The following NRIP1 variants were observed in gnomAD, a reference collection of about 807,000 sequenced individuals.
NRIP1 encodes the protein nuclear receptor interacting protein 1.
NRIP1 carries 28 observed loss-of-function variants against 75.0 expected under a neutral mutation model. The ratio of observed to expected loss-of-function variants is 0.37; its 90% CI spans 0.28 to 0.51. The LOEUF (loss-of-function observed/expected upper bound fraction) is 0.51, where lower values mean the gene tolerates loss of function less well. Ranked by LOEUF, NRIP1 falls within the 20% of genes least tolerant of loss-of-function variation. The pLI is 0.92. For missense variants in NRIP1, 1,435 were observed against 1,343.7 expected (o/e 1.07, Z -1.06); for synonymous variants, 526 against 487.6 (o/e 1.08, Z -1.04).
At position 15,034,329 on chromosome 21, in the gene NRIP1, T is replaced by C. The variant is rs1262243825; in HGVS notation, c.-458+9166A>G. On this transcript the variant is annotated intron_variant, in intron 2 of 3. Coordinates refer to ENST00000318948, the MANE Select transcript of NRIP1 (RefSeq NM_003489.4). ...TAAGGGGCATGCATTTTGAAGTAGT[T>C]CCATATGTGGTGAGTCACTTCCAAA... 4.6e-5 allele frequency among the ~76,000 whole-genome samples: 7 copies of C among 152,312 alleles called. No individual in the cohort carries two copies. In the East Asian group the frequency reaches 1.4e-3, roughly 29 times the overall value.
intron 3 of NRIP1, among the ~76,000 whole-genome samples, chr21:15,011,436 G>A (rs572321411): frequency 2.6e-5 from 4 of 152,208 alleles, no homozygotes; most frequent in South Asian, 2.1e-4. Flanking sequence ...TGATCCGCCC[G>A]CCTCGGCCTC....
intron 2 of NRIP1, among the ~76,000 whole-genome samples, chr21:15,025,828 A>G (rs1229936156): frequency 6.6e-6 from 1 of 152,236 alleles, no homozygotes; most frequent in Non-Finnish European, 1.5e-5. Flanking sequence ...ACGGGCCGAC[A>G]TGGTCTTCTA....
In NRIP1 at chr21:14,967,350, T is replaced by C; in HGVS notation, c.843A>G (p.Arg281=). Reference sequence around the variant, plus strand: ...CATTTTGCGTTTTTAAAGCGTGTTCTCGAGAATACTGCTGCAAATGGGCTT... The same window carrying C: ...CATTTTGCGTTTTTAAAGCGTGTTCCCGAGAATACTGCTGCAAATGGGCTT... ...SSEAHLQQYS[R]EHALKTQNAN... is the part of the protein sequence containing the mutation. Residue 281 remains arginine (R), a synonymous_variant, in exon 4 of 4, where the codon CGA becomes CGG. Transcript: ENST00000318948. 6.2e-7 allele frequency: 1 copy of C among 1,614,154 alleles called. No individual in the cohort carries two copies.
intron 3 of NRIP1, among the ~76,000 whole-genome samples, chr21:15,009,243 A>G (rs2088045044): frequency 6.6e-6 from 1 of 152,242 alleles, no homozygotes; most frequent in Non-Finnish European, 1.5e-5. Flanking sequence ...TAAGGAGGAT[A>G]TGAAAAATCT....
chr21:15,008,902 G>T (rs1380291837), intron 3 of NRIP1, among the ~76,000 whole-genome samples: 1 of 152,130 alleles, frequency 6.6e-6, no homozygotes. Context: ...TATATACATG[G>T]AATGCATCCT....
At chr21:14,974,786 A>C (rs1568948875) in intron 3 of NRIP1, among the ~76,000 whole-genome samples, 1 of 152,196 alleles carries the variant, frequency 6.6e-6, no homozygotes. Flanking sequence ...TTTGAACTAT[A>C]TTGTTACTCA....
In NRIP1 at chr21:14,961,804, G is replaced by A. The variant is rs2086596044; in HGVS notation, c.*2912C>T. 1 of 152,022 alleles carries A rather than the reference G, an allele frequency of 6.6e-6. No individual in the cohort carries two copies. The highest frequency in any genetic ancestry group is 2.1e-4 in the South Asian group (1 of 4,804). The allele number at this position is 152,022 out of a possible 1,614,324, so 9.4% of individuals were successfully genotyped here. On this transcript the variant is annotated 3_prime_UTR_variant, in exon 4 of 4. Coordinates refer to ENST00000318948, the MANE Select transcript of NRIP1 (RefSeq NM_003489.4). Reference sequence around the variant, plus strand: ...TATACATTTGTCCAGACTTGCAACTGTATACATACATGCACAACTTTTAAA... The same window carrying A: ...TATACATTTGTCCAGACTTGCAACTATATACATACATGCACAACTTTTAAA...
In NRIP1 at chr21:14,966,735, G is replaced by A; in HGVS notation, c.1458C>T (p.Thr486=). Residue 486 remains threonine (T), a synonymous_variant, in exon 4 of 4, where the codon ACC becomes ACT. Coordinates refer to ENST00000318948, the MANE Select transcript of NRIP1 (RefSeq NM_003489.4). ...GTGAGTTTAGCTTAGAATTCTTTGA[G>A]GTATCTTGATCTTCTTTGATATCTA... ...PDVDIKEDQD[T]SKNSKLNSHQ... 2 of 1,613,972 alleles carry A rather than the reference G, an allele frequency of 1.2e-6. No homozygotes were observed. Among genetic ancestry groups the A allele is most frequent in the Non-Finnish European group, 1.7e-6 (2 of 1,179,982 alleles).
chr21:15,004,179 C>T (rs964570323), intron 3 of NRIP1, among the ~76,000 whole-genome samples: 4 of 152,112 alleles, frequency 2.6e-5, no homozygotes, highest in Non-Finnish European at 5.9e-5. Context: ...ACATGTTATC[C>T]CCTCAAACAA....
Position 14,973,809 on chromosome 21 carries a change from C to T in NRIP1, c.-334-5283G>A, listed in dbSNP as rs1045248921. ...CTCCCACCTCAGTCTCCCAAGCAGC[C>T]GGGAATACAGGTGTGTGCCACCATG... On this transcript the variant is annotated intron_variant, in intron 3 of 3. Coordinates refer to ENST00000318948, the MANE Select transcript of NRIP1 (RefSeq NM_003489.4). 1.1e-4 allele frequency among the ~76,000 whole-genome samples: 17 copies of T among 150,098 alleles called. No individual in the cohort carries two copies. The East Asian group carries it at 3.0e-3, about 26-fold the overall frequency.
At chr21:15,044,895 G>A (rs139185736) in intron 1 of NRIP1, among the ~76,000 whole-genome samples, 12 of 152,270 alleles carry the variant, frequency 7.9e-5, no homozygotes, top group African/African-American at 2.4e-4. Flanking sequence ...AAGGTATACA[G>A]CTGGTACTCA....
At chr21:15,059,164 G>C (rs1334536105) in intron 1 of NRIP1, among the ~76,000 whole-genome samples, 1 of 152,154 alleles carries the variant, frequency 6.6e-6, no homozygotes, top group Non-Finnish European at 1.5e-5. Flanking sequence ...CCCAGGAGTA[G>C]CTTAAGCGGA....
intron 3 of NRIP1, among the ~76,000 whole-genome samples, chr21:14,996,512 GCAAA>G (rs202095311): frequency 0.021 from 3,186 of 152,200 alleles, 70 homozygotes; most frequent in Admixed American, 0.061. Context: ...ATGACTTTAG[GCAAA>G]CAGTCTCCCC....
intron 1 of NRIP1, among the ~76,000 whole-genome samples, chr21:15,057,614 A>G (rs2089335007): frequency 6.6e-6 from 1 of 152,224 alleles, no homozygotes; most frequent in South Asian, 2.1e-4. Flanking sequence ...TTTTATGGCT[A>G]CCAGGTTGGG....
At chr21:15,064,500 C>A (rs1055832955) in intron 1 of NRIP1, among the ~76,000 whole-genome samples, 4 of 152,058 alleles carry the variant, frequency 2.6e-5, no homozygotes, top group Non-Finnish European at 5.9e-5. Flanking sequence ...CTGGCACGGA[C>A]GGGCGGGCCG....
Position 14,975,600 on chromosome 21 carries a change from C to T in NRIP1, c.-334-7074G>A, listed in dbSNP as rs79730069. Among the ~76,000 whole-genome samples the T allele has an allele frequency of 2.6e-3, 319 of 121,604 alleles. 2 individuals are homozygous for T. The highest frequency in any genetic ancestry group is 8.9e-3 in the African/African-American group (279 of 31,336). The allele number at this position is 121,604 out of a possible 152,430, so 79.8% of individuals were successfully genotyped here. A position where few individuals can be genotyped will look rare whatever the true frequency, so the allele number is the denominator to read the frequency against. ...TTACTGTACACCGCATTCTAGCCTG[C>T]GTGACAGAATAAGACACTATTTCTT... On this transcript the variant is annotated intron_variant, in intron 3 of 3. Transcript: ENST00000318948.
Position 14,968,160 on chromosome 21 carries a change from C to T in NRIP1, c.33G>A (p.Val11=). 1.9e-6 allele frequency: 3 copies of T among 1,612,704 alleles called. No individual in the cohort carries two copies. Among genetic ancestry groups the T allele is most frequent in the Non-Finnish European group, 8.5e-7 (1 of 1,179,318 alleles). MTHGEELGSD[V]HQDSIVLTYL... ...AAGTTAAAACAATAGAATCCTGGTG[C>T]ACATCAGAGCCAAGCTCTTCTCCAT... Residue 11 remains valine, a synonymous_variant, in exon 4 of 4, where the codon GTG becomes GTA. Transcript: ENST00000318948.
At chr21:15,037,536 A>C (rs74581103) in intron 2 of NRIP1, among the ~76,000 whole-genome samples, 1 of 152,190 alleles carries the variant, frequency 6.6e-6, no homozygotes, top group Non-Finnish European at 1.5e-5. Flanking sequence ...ATGAAAAATA[A>C]AGGCAGTGTG....
chr21:15,008,726 T>C (rs1486712606), intron 3 of NRIP1, among the ~76,000 whole-genome samples: 1 of 152,170 alleles, frequency 6.6e-6, no homozygotes, highest in Non-Finnish European at 1.5e-5. Context: ...ATTAGACAAG[T>C]GAATTGCCAT....
Sources: allele counts gnomAD v4.1 joint callset (sites outside exome capture counted in the v4.1 genomes callset), GRCh38; gene constraint gnomAD v4.1.1; transcripts MANE v1.5; gene names NCBI Gene and HGNC (gene_info 2026-07-23, HGNC 2026-07-21).